SLC35E3: variants seen among roughly 807,000 people sequenced by gnomAD.
The protein encoded by SLC35E3 is solute carrier family 35 member E3, also known as bladder cancer-overexpressed gene 1 protein.
In SLC35E3, 28 loss-of-function variants were observed where a neutral mutation model predicts 30.8. That is an observed-to-expected ratio of 0.91 (90% CI 0.67 to 1.25). The LOEUF (loss-of-function observed/expected upper bound fraction) is 1.25. SLC35E3 is among the 50% of genes most tolerant of loss of function. SLC35E3 has a pLI of 0.00. For synonymous variants in SLC35E3, 146 were observed against 149.2 expected, an observed-to-expected ratio of 0.98 and a Z score of 0.16; for missense variants, 365 against 375.4, an observed-to-expected ratio of 0.97 and a Z score of 0.23.
chr12:68,772,526 G>T lies in SLC35E3; in HGVS notation c.*7636G>T, dbSNP rs1461784477. ...TGAAGTCATTAGGAGGTGAATTATT[G>T]CCAATTCAATGAATTATTTATGAGT... On this transcript the variant is annotated 3_prime_UTR_variant, in exon 5 of 5. Coordinates refer to ENST00000398004, the MANE Select transcript of SLC35E3 (RefSeq NM_018656.5). 1.3e-5 allele frequency: 2 copies of T among 151,994 alleles called. No homozygotes were observed. Among genetic ancestry groups the T allele is most frequent in the Non-Finnish European group, 2.9e-5 (2 of 67,988 alleles). The allele number at this position is 151,994 out of a possible 1,614,324, so 9.4% of individuals were successfully genotyped here. A position where few individuals can be genotyped will look rare whatever the true frequency, so the allele number is the denominator to read the frequency against.
chr12:68,763,391 C>G (rs997209201), intron 4 of SLC35E3, among the ~76,000 whole-genome samples: 3 of 150,956 alleles, frequency 2.0e-5, no homozygotes, highest in Admixed American at 6.6e-5. Context: ...GTGTCTGTGT[C>G]TGTGTCTGTG....
chr12:68,761,467 C>CT (rs1879231090), intron 4 of SLC35E3, among the ~76,000 whole-genome samples: 1 of 152,128 alleles, frequency 6.6e-6, no homozygotes, highest in Non-Finnish European at 1.5e-5. Flanking sequence ...ATTTCTCAAC[C>CT]TCTGGGCTGT....
chr12:68,766,931 C>T lies in SLC35E3; in HGVS notation c.*2041C>T. On this transcript the variant is annotated 3_prime_UTR_variant, in exon 5 of 5. Coordinates refer to ENST00000398004, the MANE Select transcript of SLC35E3 (RefSeq NM_018656.5). ...CCCTGCTTCTATTGCCTAGCCCGTACATTTGAGGCTTCCATGGAGCTTTCT... is the reference window on the plus strand; with the variant it reads ...CCCTGCTTCTATTGCCTAGCCCGTATATTTGAGGCTTCCATGGAGCTTTCT... 3.7e-6 allele frequency: 1 copy of T among 273,446 alleles called. No homozygotes were observed. Among genetic ancestry groups the T allele is most frequent in the Non-Finnish European group, 7.7e-6 (1 of 129,436 alleles). 16.9% of individuals were successfully genotyped at this position (273,446 alleles called of 1,614,324 possible). A position where few individuals can be genotyped will look rare whatever the true frequency, so the allele number is the denominator to read the frequency against.
rs951921985 is a variant in SLC35E3, at chr12:68,768,630, A to G, written c.*3740A>G. On this transcript the variant is annotated 3_prime_UTR_variant, in exon 5 of 5. Coordinates refer to ENST00000398004, the MANE Select transcript of SLC35E3 (RefSeq NM_018656.5). ...ATTATTGTTTATTCTGTGTTAAGTG[A>G]CTGAATTTCAATTTTTACCTTTTAA... The G allele has an allele frequency of 1.3e-5, 2 of 152,192 alleles. No individual in the cohort carries two copies. Among genetic ancestry groups the G allele is most frequent in the African/African-American group, 4.8e-5 (2 of 41,442 alleles). The allele number at this position is 152,192 out of a possible 1,614,324, so 9.4% of individuals were successfully genotyped here.
chr12:68,768,577 G>T lies in SLC35E3; in HGVS notation c.*3687G>T, dbSNP rs1451681651. The T allele has an allele frequency of 1.3e-5, 2 of 152,248 alleles. No individual in the cohort carries two copies. Among genetic ancestry groups the T allele is most frequent in the Non-Finnish European group, 2.9e-5 (2 of 68,046 alleles). 9.4% of individuals were successfully genotyped at this position (152,248 alleles called of 1,614,324 possible). On this transcript the variant is annotated 3_prime_UTR_variant, in exon 5 of 5. Coordinates refer to ENST00000398004, the MANE Select transcript of SLC35E3 (RefSeq NM_018656.5). ...CAGTGCTTTCAAAGAAAACATGCTTGCTGTCCTTTGTTACCAGTGTAATTG... is the reference window on the plus strand; with the variant it reads ...CAGTGCTTTCAAAGAAAACATGCTTTCTGTCCTTTGTTACCAGTGTAATTG...
chr12:68,752,221 A>G, intron 3 of SLC35E3, 31 bp downstream of exon 3: 2 of 1,564,314 alleles, frequency 1.3e-6, no homozygotes, highest in Non-Finnish European at 1.7e-6. Flanking sequence ...TATCTAAGAA[A>G]CAGTATAATA....
chr12:68,747,816 C>A, intron 1 of SLC35E3, 114 bp from the exon 2 acceptor site: 1 of 581,654 alleles, frequency 1.7e-6, no homozygotes. Flanking sequence ...TATACAGGTT[C>A]ATTGTTTCCC....
Position 68,765,599 on chromosome 12 carries a change from CATATATATATGTGTGTGTGTGTATAT to C in SLC35E3, c.*732_*757del, listed in dbSNP as rs1379647816. On this transcript the variant is annotated 3_prime_UTR_variant, in exon 5 of 5. Coordinates refer to ENST00000398004, the MANE Select transcript of SLC35E3 (RefSeq NM_018656.5). Reference sequence around the variant, plus strand: ...AAGACACTGTCTCTCTCTCTCTCTCCATATATATATGTGTGTGTGTGTATATATATATATATGTGTGTGTGTGTGTG... The same window carrying C: ...AAGACACTGTCTCTCTCTCTCTCTCCATATATATATGTGTGTGTGTGTGTG... 7.4e-6 allele frequency: 1 copy of C among 134,940 alleles called. No homozygotes were observed. The highest frequency in any genetic ancestry group is 1.6e-5 in the Non-Finnish European group (1 of 64,356). The allele number at this position is 134,940 out of a possible 1,614,324, so 8.4% of individuals were successfully genotyped here. A position where few individuals can be genotyped will look rare whatever the true frequency, so the allele number is the denominator to read the frequency against.
intron 1 of SLC35E3, among the ~76,000 whole-genome samples, chr12:68,747,563 T>C (rs1878639490): frequency 6.6e-6 from 1 of 152,246 alleles, no homozygotes; most frequent in Non-Finnish European, 1.5e-5. Context: ...CCACCGTGCC[T>C]GGCCTTATAT....
At position 68,771,301 on chromosome 12, in the gene SLC35E3, A is replaced by G. The variant is rs1311784643; in HGVS notation, c.*6411A>G. The G allele has an allele frequency of 6.6e-6, 1 of 152,118 alleles. No homozygotes were observed. Among genetic ancestry groups the G allele is most frequent in the Non-Finnish European group, 1.5e-5 (1 of 68,052 alleles). The allele number at this position is 152,118 out of a possible 1,614,324, so 9.4% of individuals were successfully genotyped here. On this transcript the variant is annotated 3_prime_UTR_variant, in exon 5 of 5. Coordinates refer to ENST00000398004, the MANE Select transcript of SLC35E3 (RefSeq NM_018656.5). The stretch of plus-strand genomic sequence containing the variant: ...AAAAAAAAAAAAAAGATGTTAATCA[A>G]ATAATTAGTTTATAGAGGCCCAGAA...
intron 3 of SLC35E3, among the ~76,000 whole-genome samples, chr12:68,757,906 G>A (rs1196420993): frequency 6.6e-6 from 1 of 151,588 alleles, no homozygotes; most frequent in Non-Finnish European, 1.5e-5. Flanking sequence ...TGGCCAACAT[G>A]GTGAAACCCC....
rs11177361 is a variant in SLC35E3 at position 68,770,072 on chromosome 12, A to G, written c.*5182A>G. 0.19 allele frequency: 28,339 copies of G among 152,250 alleles called. 3,130 individuals carry two copies. Among genetic ancestry groups the G allele is most frequent in the East Asian group, 0.34 (1,742 of 5,186 alleles). The allele number at this position is 152,250 out of a possible 1,614,324, so 9.4% of individuals were successfully genotyped here. Reference sequence around the variant, plus strand: ...TGAGGAAAGTTTGAGCTGCAGTCATAGATACATAGAAGTTAGCTAGCTAGG... The same window carrying G: ...TGAGGAAAGTTTGAGCTGCAGTCATGGATACATAGAAGTTAGCTAGCTAGG... On this transcript the variant is annotated 3_prime_UTR_variant, in exon 5 of 5. Coordinates refer to ENST00000398004, the MANE Select transcript of SLC35E3 (RefSeq NM_018656.5).
intron 4 of SLC35E3, among the ~76,000 whole-genome samples, chr12:68,761,235 A>G (rs1392177370): frequency 6.6e-6 from 1 of 152,140 alleles, no homozygotes; most frequent in Non-Finnish European, 1.5e-5. Flanking sequence ...AAGTAACATG[A>G]TTTTACATAC....
intron 2 of SLC35E3, among the ~76,000 whole-genome samples, chr12:68,751,151 T>C (rs1878776023): frequency 1.3e-5 from 2 of 152,082 alleles, no homozygotes; most frequent in African/African-American, 4.8e-5. Context: ...AGAAAAGTCA[T>C]CCAGAGAGAG....
At position 68,777,493 on chromosome 12, in the gene SLC35E3, A is replaced by C. The variant is rs529974133; in HGVS notation, c.*12603A>C. On this transcript the variant is annotated 3_prime_UTR_variant, in exon 5 of 5. Transcript: ENST00000398004. ...TCCTTCTGTCCACTCCTCTCCCCAC[A>C]CTGCACTGTGTGGCCCCAGAGAGGA... The C allele has an allele frequency of 3.3e-5, 5 of 152,236 alleles. No homozygotes were observed. The highest frequency in any genetic ancestry group is 5.9e-5 in the Non-Finnish European group (4 of 68,008). 9.4% of individuals were successfully genotyped at this position (152,236 alleles called of 1,614,324 possible).
In SLC35E3 at chr12:68,773,956, T is replaced by G. The variant is rs563945138; in HGVS notation, c.*9066T>G. The G allele has an allele frequency of 3.3e-5, 5 of 152,324 alleles. No individual in the cohort carries two copies. The highest frequency in any genetic ancestry group is 1.2e-4 in the African/African-American group (5 of 41,574). 9.4% of individuals were successfully genotyped at this position (152,324 alleles called of 1,614,324 possible). A position where few individuals can be genotyped will look rare whatever the true frequency, so the allele number is the denominator to read the frequency against. ...GTTGCCTTGTAGAGGGATGATCATA[T>G]GACATTTCACCAATGGCACATAATT... On this transcript the variant is annotated 3_prime_UTR_variant, in exon 5 of 5. Transcript: ENST00000398004.
At chr12:68,749,292 C>T (rs989981382) in intron 2 of SLC35E3, among the ~76,000 whole-genome samples, 1 of 152,114 alleles carries the variant, frequency 6.6e-6, no homozygotes, top group Non-Finnish European at 1.5e-5. Context: ...GGTAAAGGTA[C>T]CATTACAAAA....
intron 4 of SLC35E3, among the ~76,000 whole-genome samples, chr12:68,763,921 TAGG>T (rs1879303843): frequency 6.6e-6 from 1 of 152,142 alleles, no homozygotes; most frequent in Non-Finnish European, 1.5e-5. Flanking sequence ...CAACCGTAAA[TAGG>T]AAGAGTGAGC....
At chr12:68,760,222 T>C (rs1879194215) in intron 4 of SLC35E3, 1 of 152,184 alleles carries the variant, frequency 6.6e-6, no homozygotes. Flanking sequence ...AAAGGTCAAA[T>C]TCAACTGTCC....
Sources: gnomAD v4.1 joint callset for allele counts (sites outside exome capture counted in the v4.1 genomes callset) on GRCh38, gnomAD v4.1.1 for gene constraint, MANE v1.5 for transcripts, NCBI Gene and HGNC (gene_info 2026-07-23, HGNC 2026-07-21) for gene names.